KCNIP4: variants seen among roughly 807,000 people sequenced by gnomAD.
KCNIP4 encodes the protein potassium voltage-gated channel interacting protein 4, also known as Kv channel-interacting protein 4.
A neutral mutation model predicts 34.0 loss-of-function variants in KCNIP4; 12 were observed. The ratio of observed to expected loss-of-function variants is 0.35; its 90% CI spans 0.23 to 0.57. The LOEUF is 0.57. Ranked by LOEUF, KCNIP4 falls within the 20% of genes least tolerant of loss-of-function variation. The probability of loss-of-function intolerance (pLI) is 0.83; values close to 1 mark genes in which losing one functional copy is unlikely to be tolerated. For missense variants in KCNIP4, 238 were observed against 311.7 expected, an observed-to-expected ratio of 0.76 and a Z score of 1.78; for synonymous variants, 124 against 102.2, an observed-to-expected ratio of 1.21 and a Z score of -1.29.
intron 1 of KCNIP4, among the ~76,000 whole-genome samples, chr4:20,955,391 C>T (rs1263663779): frequency 1.3e-5 from 2 of 152,160 alleles, no homozygotes; most frequent in Non-Finnish European, 2.9e-5. Flanking sequence ...TATCTGTGAA[C>T]AGACACTGAT....
intron 1 of KCNIP4, among the ~76,000 whole-genome samples, chr4:21,317,640 C>G (rs1713924652): frequency 6.6e-6 from 1 of 152,104 alleles, no homozygotes; most frequent in Admixed American, 6.5e-5. Flanking sequence ...TGGTGCTGGC[C>G]TTGCAGAAAC....
intron 1 of KCNIP4, among the ~76,000 whole-genome samples, chr4:21,530,561 A>G (rs1264152542): frequency 1.3e-5 from 2 of 152,190 alleles, no homozygotes; most frequent in African/African-American, 4.8e-5. Context: ...AATTGTTGAT[A>G]TAATATATTA....
chr4:20,849,224 G>T (rs1280325657), intron 3 of KCNIP4, among the ~76,000 whole-genome samples: 3 of 152,066 alleles, frequency 2.0e-5, no homozygotes, highest in African/African-American at 7.2e-5. Flanking sequence ...CCCACCTATT[G>T]CCACGAAGTC....
intron 1 of KCNIP4, among the ~76,000 whole-genome samples, chr4:21,683,871 G>T (rs2109028787): frequency 6.6e-6 from 1 of 152,226 alleles, no homozygotes; most frequent in Non-Finnish European, 1.5e-5. Context: ...CATACACATT[G>T]TCCCAGTTAC....
chr4:21,563,508 C>T (rs1246840017), intron 1 of KCNIP4, among the ~76,000 whole-genome samples: 6 of 152,016 alleles, frequency 3.9e-5, no homozygotes, highest in African/African-American at 7.2e-5. Context: ...AATGGGATAA[C>T]AGATATGATA....
intron 1 of KCNIP4, among the ~76,000 whole-genome samples, chr4:21,124,145 C>T (rs893365823): frequency 2.0e-5 from 3 of 151,834 alleles, no homozygotes; most frequent in Admixed American, 1.3e-4. Flanking sequence ...TCTGGTTTAA[C>T]AGAATAGTTG....
intron 1 of KCNIP4, among the ~76,000 whole-genome samples, chr4:21,074,919 T>C (rs1745335133): frequency 6.6e-6 from 1 of 152,178 alleles, no homozygotes; most frequent in South Asian, 2.1e-4. Flanking sequence ...CAGGAGCAGG[T>C]TGTTCAGTTT....
In KCNIP4 at chr4:21,135,082, C is replaced by A. The variant is rs117519750; in HGVS notation, c.62-252373G>T. Reference sequence around the variant, plus strand: ...CCGAGATCTTTTACAATGAACCATTCAAAGACTGGGATCACTTAAGACAGT... The same window carrying A: ...CCGAGATCTTTTACAATGAACCATTAAAAGACTGGGATCACTTAAGACAGT... On this transcript the variant is annotated intron_variant, in intron 1 of 8. Coordinates refer to ENST00000382152, the MANE Select transcript of KCNIP4 (RefSeq NM_025221.6). 2.8e-3 allele frequency among the ~76,000 whole-genome samples: 421 copies of A among 152,314 alleles called. 2 individuals carry two copies. Among genetic ancestry groups the A allele is most frequent in the East Asian group, 0.015 (78 of 5,168 alleles).
intron 1 of KCNIP4, among the ~76,000 whole-genome samples, chr4:21,030,937 C>T (rs1740969206): frequency 6.6e-6 from 1 of 152,170 alleles, no homozygotes; most frequent in South Asian, 2.1e-4. Context: ...TAGTCTCATT[C>T]AGAGCTACAG....
chr4:21,706,869 G>C (rs762776234), intron 1 of KCNIP4, among the ~76,000 whole-genome samples: 12 of 152,232 alleles, frequency 7.9e-5, no homozygotes, highest in Non-Finnish European at 1.3e-4. Flanking sequence ...AAGCAGAGCA[G>C]AGCCTTGCGG....
At chr4:21,334,274 G>A (rs1018791195) in intron 1 of KCNIP4, among the ~76,000 whole-genome samples, 1 of 151,862 alleles carries the variant, frequency 6.6e-6, no homozygotes, top group Non-Finnish European at 1.5e-5. Flanking sequence ...GTCATGGGGG[G>A]AATAAAAGGG....
chr4:21,311,393 G>T (rs1266372806), intron 1 of KCNIP4, among the ~76,000 whole-genome samples: 2 of 152,092 alleles, frequency 1.3e-5, no homozygotes, highest in African/African-American at 4.8e-5. Context: ...TAATGGCTTG[G>T]TTTTTAAATT....
chr4:21,771,022 T>G (rs1718746537), intron 1 of KCNIP4, among the ~76,000 whole-genome samples: 1 of 152,206 alleles, frequency 6.6e-6, no homozygotes, highest in South Asian at 2.1e-4. Flanking sequence ...TGCCCATGCC[T>G]GTGTCCCAAA....
Position 20,729,297 on chromosome 4 carries a change from C to T in KCNIP4, c.*785G>A, listed in dbSNP as rs1747120337. The T allele has an allele frequency of 6.6e-6, 1 of 152,034 alleles. No individual in the cohort carries two copies. The highest frequency in any genetic ancestry group is 2.2e-4 in the South Asian group (1 of 4,534). The allele number at this position is 152,034 out of a possible 1,614,324, so 9.4% of individuals were successfully genotyped here. A position where few individuals can be genotyped will look rare whatever the true frequency, so the allele number is the denominator to read the frequency against. ...ACATCCTTGTTTTGTTTGATGCCTT[C>T]TTCAACTTCCACTTAATGATTGATA... On this transcript the variant is annotated 3_prime_UTR_variant, in exon 9 of 9. Transcript: ENST00000382152.
At chr4:21,478,708 A>G (rs1398257208) in intron 1 of KCNIP4, among the ~76,000 whole-genome samples, 1 of 152,164 alleles carries the variant, frequency 6.6e-6, no homozygotes, top group Non-Finnish European at 1.5e-5. Context: ...AAGACGGGGA[A>G]TGCACTAATG....
chr4:20,992,517 C>CCT (rs1737168228), intron 1 of KCNIP4, among the ~76,000 whole-genome samples: 1 of 152,094 alleles, frequency 6.6e-6, no homozygotes, highest in Non-Finnish European at 1.5e-5. Flanking sequence ...AAGAATATTT[C>CCT]ATATAGTTCC....
intron 1 of KCNIP4, among the ~76,000 whole-genome samples, chr4:21,404,067 C>T (rs903342207): frequency 2.0e-5 from 3 of 152,188 alleles, no homozygotes; most frequent in Non-Finnish European, 4.4e-5. Context: ...TCTTGCTGTT[C>T]CTTGAATGCT....
chr4:21,196,125 T>A (rs1756041770), intron 1 of KCNIP4, among the ~76,000 whole-genome samples: 1 of 152,222 alleles, frequency 6.6e-6, no homozygotes, highest in African/African-American at 2.4e-5. Context: ...GTATTACGAA[T>A]CTTCAATTAG....
intron 1 of KCNIP4, among the ~76,000 whole-genome samples, chr4:20,905,743 A>T (rs918680098): frequency 2.6e-5 from 4 of 151,442 alleles, no homozygotes; most frequent in African/African-American, 9.7e-5. Context: ...GCTGGTCTCA[A>T]ACTCCTGATG....
Sources: allele counts gnomAD v4.1 joint callset (sites outside exome capture counted in the v4.1 genomes callset), GRCh38; gene constraint gnomAD v4.1.1; transcripts MANE v1.5; gene names NCBI Gene and HGNC (gene_info 2026-07-23, HGNC 2026-07-21).